PIP4K2A: variants seen among roughly 807,000 people sequenced by gnomAD.
PIP4K2A encodes the protein phosphatidylinositol-5-phosphate 4-kinase type 2 alpha.
A neutral mutation model predicts 42.9 loss-of-function variants in PIP4K2A; 14 were observed. The observed-to-expected ratio is 0.33, with a 90% CI of 0.22 to 0.51. The LOEUF is 0.51. PIP4K2A is among the 20% of genes least tolerant of loss of function. The pLI, the probability that PIP4K2A is intolerant of heterozygous loss-of-function variation, is 0.97. For missense variants in PIP4K2A, 434 were observed against 519.8 expected, an observed-to-expected ratio of 0.83 and a Z score of 1.61; for synonymous variants, 192 against 192.2, an observed-to-expected ratio of 1.00 and a Z score of 0.01.
intron 1 of PIP4K2A, among the ~76,000 whole-genome samples, chr10:22,612,596 C>T (rs779943509): frequency 1.3e-5 from 2 of 152,052 alleles, no homozygotes; most frequent in African/African-American, 2.4e-5. Context: ...CAGCAGAGGG[C>T]GGAGGCGGCA....
chr10:22,599,676 G>A (rs1362309709), intron 3 of PIP4K2A, among the ~76,000 whole-genome samples: 1 of 152,234 alleles, frequency 6.6e-6, no homozygotes, highest in African/African-American at 2.4e-5. Context: ...TGCAGGGCAG[G>A]TAAGAGTATG....
In PIP4K2A at chr10:22,646,164, G is replaced by T. The variant is rs533574723; in HGVS notation, c.145-36447C>A. ...ACAACTTTCCTACAGACACAAGGAA[G>T]AAAACAGGCTTCTCTGCTTTCTGTA... On this transcript the variant is annotated intron_variant, in intron 1 of 9. Coordinates refer to ENST00000376573, the MANE Select transcript of PIP4K2A (RefSeq NM_005028.5). 5.9e-5 allele frequency: 9 copies of T among 152,322 alleles called. No individual in the cohort carries two copies. In the East Asian group the frequency reaches 1.5e-3, roughly 26 times the overall value. 9.4% of individuals were successfully genotyped at this position (152,322 alleles called of 1,614,324 possible). A position where few individuals can be genotyped will look rare whatever the true frequency, so the allele number is the denominator to read the frequency against.
intron 1 of PIP4K2A, among the ~76,000 whole-genome samples, chr10:22,624,233 G>C (rs1778309): frequency 0.064 from 9,712 of 152,162 alleles, 539 homozygotes; most frequent in African/African-American, 0.15. Context: ...CCTCTGCTAG[G>C]AAAAGACTAA....
At chr10:22,537,925 CAG>C (rs1835978939) in intron 9 of PIP4K2A, among the ~76,000 whole-genome samples, 1 of 152,206 alleles carries the variant, frequency 6.6e-6, no homozygotes, top group Non-Finnish European at 1.5e-5. Context: ...CAGCAGCACA[CAG>C]GGGTGCCACT....
intron 6 of PIP4K2A, among the ~76,000 whole-genome samples, chr10:22,554,243 A>G (rs1193794387): frequency 6.6e-6 from 1 of 152,238 alleles, no homozygotes. Flanking sequence ...AAATTTCAAT[A>G]TATCTCTCTG....
intron 7 of PIP4K2A, among the ~76,000 whole-genome samples, chr10:22,542,624 C>A (rs2130743845): frequency 6.6e-6 from 1 of 152,364 alleles, no homozygotes; most frequent in East Asian, 1.9e-4. Flanking sequence ...CGAAGCACCA[C>A]ACATCCAGGA....
At chr10:22,561,984 G>A (rs1332322131) in intron 6 of PIP4K2A, among the ~76,000 whole-genome samples, 3 of 152,136 alleles carry the variant, frequency 2.0e-5, no homozygotes, top group Non-Finnish European at 2.9e-5. Flanking sequence ...CTAAAATGTA[G>A]TAAGTGTTTT....
chr10:22,708,345 G>A (rs1833856889), intron 1 of PIP4K2A, among the ~76,000 whole-genome samples: 1 of 152,050 alleles, frequency 6.6e-6, no homozygotes, highest in Non-Finnish European at 1.5e-5. Context: ...TCAAAGCCAA[G>A]TGTCCCCAGT....
intron 5 of PIP4K2A, among the ~76,000 whole-genome samples, chr10:22,572,022 A>G (rs1339529664): frequency 1.3e-5 from 2 of 152,212 alleles, no homozygotes; most frequent in African/African-American, 4.8e-5. Flanking sequence ...ATATTCTAAT[A>G]TTTCTTATAT....
At chr10:22,573,239 T>A in intron 5 of PIP4K2A, 72 bp downstream of exon 5, 5 of 1,380,660 alleles carry the variant, frequency 3.6e-6, no homozygotes, top group Non-Finnish European at 5.1e-6. Context: ...TTTCTGATGA[T>A]CAATGACAAC....
At chr10:22,702,721 G>A (rs990742676) in intron 1 of PIP4K2A, among the ~76,000 whole-genome samples, 5 of 152,076 alleles carry the variant, frequency 3.3e-5, no homozygotes. Context: ...TATAACAAAA[G>A]TCAACTTTCT....
At chr10:22,625,237 G>C (rs995614352) in intron 1 of PIP4K2A, among the ~76,000 whole-genome samples, 3 of 152,034 alleles carry the variant, frequency 2.0e-5, no homozygotes, top group African/African-American at 7.3e-5. Flanking sequence ...TAAGAGCTAG[G>C]CTTTTAAAAA....
chr10:22,537,520 G>A (rs1270705516), intron 9 of PIP4K2A, among the ~76,000 whole-genome samples: 1 of 152,124 alleles, frequency 6.6e-6, no homozygotes, highest in Non-Finnish European at 1.5e-5. Flanking sequence ...AGCACCAGAT[G>A]CTACCACACA....
chr10:22,656,978 G>A (rs991388061), intron 1 of PIP4K2A, among the ~76,000 whole-genome samples: 3 of 151,974 alleles, frequency 2.0e-5, no homozygotes, highest in Non-Finnish European at 2.9e-5. Context: ...TAAATGATTC[G>A]CCAGTTAGAT....
chr10:22,543,465 C>T (rs1836180001), intron 7 of PIP4K2A, among the ~76,000 whole-genome samples: 2 of 152,212 alleles, frequency 1.3e-5, no homozygotes, highest in African/African-American at 4.8e-5. Context: ...AAAATAGAGG[C>T]AAACCCCTCG....
intron 3 of PIP4K2A, among the ~76,000 whole-genome samples, chr10:22,595,793 T>C (rs1837620358): frequency 6.6e-6 from 1 of 152,210 alleles, no homozygotes; most frequent in South Asian, 2.1e-4. Context: ...TCAGTTCTTG[T>C]AGATTGCATT....
intron 1 of PIP4K2A, among the ~76,000 whole-genome samples, chr10:22,662,836 T>G (rs1340337466): frequency 1.3e-5 from 2 of 152,174 alleles, no homozygotes; most frequent in Non-Finnish European, 2.9e-5. Flanking sequence ...CCATAAAATC[T>G]GATAATGTAG....
At chr10:22,663,179 A>G (rs560426358) in intron 1 of PIP4K2A, among the ~76,000 whole-genome samples, 1 of 152,300 alleles carries the variant, frequency 6.6e-6, no homozygotes, top group African/African-American at 2.4e-5. Flanking sequence ...GTGTGATCTC[A>G]AAGGTCACGT....
At chr10:22,612,909 G>C (rs1838089384) in intron 1 of PIP4K2A, among the ~76,000 whole-genome samples, 1 of 152,156 alleles carries the variant, frequency 6.6e-6, no homozygotes, top group Admixed American at 6.5e-5. Flanking sequence ...CTGTGCATCA[G>C]ACATTAGCTC....
Sources: allele counts gnomAD v4.1 joint callset (sites outside exome capture counted in the v4.1 genomes callset), GRCh38; gene constraint gnomAD v4.1.1; transcripts MANE v1.5; gene names NCBI Gene and HGNC (gene_info 2026-07-23, HGNC 2026-07-21).